The following SULT1C4 variants were observed in gnomAD, a reference collection of about 807,000 sequenced individuals.
SULT1C4 encodes sulfotransferase 1C4.
In SULT1C4, 32 loss-of-function variants were observed where a neutral mutation model predicts 34.8. The observed-to-expected ratio is 0.92, with a 90% CI of 0.69 to 1.23. The LOEUF (loss-of-function observed/expected upper bound fraction) is 1.23. Ranked by LOEUF, SULT1C4 falls within the 50% of genes most tolerant of loss-of-function variation. The pLI, the probability that SULT1C4 is intolerant of heterozygous loss-of-function variation, is 0.00. For synonymous variants in SULT1C4, 111 were observed against 120.5 expected (o/e 0.92, Z 0.51); for missense variants, 375 against 365.9 (o/e 1.02, Z -0.20).
chr2:108,381,581 G>A (rs965358098), intron 1 of SULT1C4, among the ~76,000 whole-genome samples, 181 bp from the exon 2 acceptor site: 3 of 149,876 alleles, frequency 2.0e-5, no homozygotes, highest in Middle Eastern at 3.4e-3. Context: ...GAACCCAGGA[G>A]GCAGTGAGCC....
At position 108,387,373 on chromosome 2, in the gene SULT1C4, G is replaced by C; in HGVS notation, c.850G>C (p.Asp284His). The C allele has an allele frequency of 6.2e-7, 1 of 1,613,812 alleles. No individual in the cohort carries two copies. The highest frequency in any genetic ancestry group is 8.5e-7 in the Non-Finnish European group (1 of 1,179,894). The change falls in exon 7 of 7, where the codon GAT becomes CAT. Residue 284 changes from aspartate (D) to histidine (H), a missense_variant. Coordinates refer to ENST00000272452, the MANE Select transcript of SULT1C4 (RefSeq NM_006588.4). Reference protein sequence around the residue: ...HFTVAQNERFDEDYKKKMTDT... With the variant: ...HFTVAQNERFHEDYKKKMTDT... ...CACCGTGGCTCAGAATGAGAGATTTGATGAAGATTACAAGAAGAAAATGAC... is the reference window on the plus strand; with the variant it reads ...CACCGTGGCTCAGAATGAGAGATTTCATGAAGATTACAAGAAGAAAATGAC...
At position 108,378,503 on chromosome 2, in the gene SULT1C4, G is replaced by A. The variant is rs1165218515; in HGVS notation, c.166G>A (p.Ala56Thr). ...CCTGCTTATTTCTACCTATCCTAAA[G>A]CAGGTAGGTGGAAGGGCTTGCAGGG... is the stretch of plus-strand genomic sequence containing the variant. Reference protein sequence around the residue: ...DDLLISTYPKAGTTWTQEIVE... With the variant: ...DDLLISTYPKTGTTWTQEIVE... Residue 56 changes from alanine (A) to threonine (T), a missense_variant, in exon 1 of 7, where the codon GCA becomes ACA. Coordinates refer to ENST00000272452, the MANE Select transcript of SULT1C4 (RefSeq NM_006588.4). 2 of 1,613,720 alleles carry A rather than the reference G, an allele frequency of 1.2e-6. No individual in the cohort carries two copies.
chr2:108,382,165 A>C, intron 2 of SULT1C4: 1 of 573,492 alleles, frequency 1.7e-6, no homozygotes, highest in Non-Finnish European at 3.0e-6. Context: ...AAGGGTTTGA[A>C]TTTTTTAGGT....
In SULT1C4 at chr2:108,387,261, T is replaced by C. The variant is rs11569690; in HGVS notation, c.797-59T>C. The C allele has an allele frequency of 2.9e-5, 37 of 1,274,990 alleles. No homozygotes were observed. In the East Asian group the frequency reaches 6.8e-4, roughly 23 times the overall value. 79.0% of individuals were successfully genotyped at this position (1,274,990 alleles called of 1,614,324 possible). On this transcript the variant is annotated intron_variant, in intron 6 of 6. Transcript: ENST00000272452. ...AAATCATCATACAGAAACAGGAGAA[T>C]AGGGAAGCACAGACTCTTCCAACAG...
chr2:108,388,851 A>G lies in SULT1C4; in HGVS notation c.*1419A>G, dbSNP rs1002279879. 6.6e-6 allele frequency among the ~76,000 whole-genome samples: 1 copy of G among 152,140 alleles called. No homozygotes were observed. Among genetic ancestry groups the G allele is most frequent in the African/African-American group, 2.4e-5 (1 of 41,422 alleles). ...CTTCCTTTCTTTCTACCTACCCAAG[A>G]CATACCACGTGCTTCAATAACCAGT... On this transcript the variant is annotated 3_prime_UTR_variant, in exon 7 of 7. Coordinates refer to ENST00000272452, the MANE Select transcript of SULT1C4 (RefSeq NM_006588.4).
intron 4 of SULT1C4, 26 bp downstream of exon 4, chr2:108,383,245 T>C (rs1271112025): frequency 1.2e-6 from 2 of 1,606,282 alleles, no homozygotes; most frequent in East Asian, 4.5e-5. Flanking sequence ...TTTGTTTCCC[T>C]TCGTTTCTCA....
At position 108,378,507 on chromosome 2, in the gene SULT1C4, G is replaced by C; in HGVS notation, c.169+1G>C. On this transcript the variant is annotated splice_donor_variant, in intron 1 of 6. Transcript: ENST00000272452. LOFTEE classifies it high-confidence loss of function. ...CTTATTTCTACCTATCCTAAAGCAG[G>C]TAGGTGGAAGGGCTTGCAGGGGAAG... The C allele has an allele frequency of 6.2e-7, 1 of 1,613,760 alleles. No homozygotes were observed. Among genetic ancestry groups the C allele is most frequent in the South Asian group, 1.1e-5 (1 of 91,026 alleles).
chr2:108,382,925 A>G, intron 3 of SULT1C4, 168 bp from the exon 4 acceptor site: 1 of 413,838 alleles, frequency 2.4e-6, no homozygotes, highest in Non-Finnish European at 3.7e-6. Flanking sequence ...AAAAAAAAAA[A>G]AAAAAAGTCT....
rs185799497 is a variant in SULT1C4 at position 108,383,439 on chromosome 2, C to T, written c.544C>T (p.His182Tyr). Residue 182 changes from histidine (H) to tyrosine (Y), a missense_variant, in exon 5 of 7, where the codon CAT becomes TAT. Physicochemically the swap from His to Tyr is moderately conservative, Grantham distance 83. Transcript: ENST00000272452. ...GKVCWGSWHE[H>Y]VKGWWEAKDK... ...AGTGTGCTGGGGCTCCTGGCATGAA[C>T]ATGTGAAAGGATGGTGGGAAGCCAA... 67 of 1,614,182 alleles carry T rather than the reference C, an allele frequency of 4.2e-5. No individual in the cohort carries two copies. The East Asian group carries it at 1.4e-3, about 34-fold the overall frequency.
rs889217360 is a variant in SULT1C4 at position 108,378,072 on chromosome 2, C to T, written c.-266C>T. 2.8e-5 allele frequency: 7 copies of T among 251,788 alleles called. No individual in the cohort carries two copies. Among genetic ancestry groups the T allele is most frequent in the South Asian group, 1.3e-4 (1 of 7,992 alleles). 15.6% of individuals were successfully genotyped at this position (251,788 alleles called of 1,614,324 possible). A position where few individuals can be genotyped will look rare whatever the true frequency, so the allele number is the denominator to read the frequency against. On this transcript the variant is annotated 5_prime_UTR_variant, in exon 1 of 7. In the 5' UTR this introduces an upstream ATG that the reference lacks. Coordinates refer to ENST00000272452, the MANE Select transcript of SULT1C4 (RefSeq NM_006588.4). Reference sequence around the variant, plus strand: ...GGGTTTGTGGCCGCCTCTGCTGTGACGCCACAGCCTGGTGAGGAGGGGGCT... The same window carrying T: ...GGGTTTGTGGCCGCCTCTGCTGTGATGCCACAGCCTGGTGAGGAGGGGGCT...
rs1478390041 is a variant in SULT1C4 at position 108,378,063 on chromosome 2, C to G, written c.-275C>G. The G allele has an allele frequency of 1.7e-5, 4 of 237,684 alleles. 1 individual carries two copies. Among genetic ancestry groups the G allele is most frequent in the Non-Finnish European group, 3.2e-5 (4 of 125,794 alleles). 14.7% of individuals were successfully genotyped at this position (237,684 alleles called of 1,614,324 possible). A position where few individuals can be genotyped will look rare whatever the true frequency, so the allele number is the denominator to read the frequency against. On this transcript the variant is annotated 5_prime_UTR_variant, in exon 1 of 7. Coordinates refer to ENST00000272452, the MANE Select transcript of SULT1C4 (RefSeq NM_006588.4). ...TGGCCAGCAGGGTTTGTGGCCGCCTCTGCTGTGACGCCACAGCCTGGTGAG... is the reference window on the plus strand; with the variant it reads ...TGGCCAGCAGGGTTTGTGGCCGCCTGTGCTGTGACGCCACAGCCTGGTGAG...
At chr2:108,384,050 G>T (rs1355237470) in intron 5 of SULT1C4, among the ~76,000 whole-genome samples, 2 of 151,116 alleles carry the variant, frequency 1.3e-5, no homozygotes, top group African/African-American at 4.9e-5. Flanking sequence ...TGTATTTTTA[G>T]TAGAAACCGG....
At chr2:108,384,248 G>C (rs1329175898) in intron 5 of SULT1C4, among the ~76,000 whole-genome samples, 1 of 150,032 alleles carries the variant, frequency 6.7e-6, no homozygotes, top group African/African-American at 2.5e-5. Context: ...TTTATTTTTT[G>C]AGACGGAGTC....
chr2:108,378,523 G>T lies in SULT1C4; in HGVS notation c.169+17G>T. 2 of 1,611,660 alleles carry T rather than the reference G, an allele frequency of 1.2e-6. No homozygotes were observed. Among genetic ancestry groups the T allele is most frequent in the Non-Finnish European group, 1.7e-6 (2 of 1,178,770 alleles). On this transcript the variant is annotated intron_variant, in intron 1 of 6. Coordinates refer to ENST00000272452, the MANE Select transcript of SULT1C4 (RefSeq NM_006588.4). Reference sequence around the variant, plus strand: ...CTAAAGCAGGTAGGTGGAAGGGCTTGCAGGGGAAGGGGAAGAGGAGAGTTA... The same window carrying T: ...CTAAAGCAGGTAGGTGGAAGGGCTTTCAGGGGAAGGGGAAGAGGAGAGTTA...
chr2:108,382,671 A>C lies in SULT1C4; in HGVS notation c.393+189A>C, dbSNP rs574335852. On this transcript the variant is annotated intron_variant, in intron 3 of 6. Coordinates refer to ENST00000272452, the MANE Select transcript of SULT1C4 (RefSeq NM_006588.4). ...GTAATCACAGCATTTTGGGAGACTG[A>C]GATGGGTGGATCAGTTGAGGTCAGG... The C allele has an allele frequency of 3.2e-4, 181 of 559,538 alleles. 2 individuals are homozygous for C. Among genetic ancestry groups the C allele is most frequent in the Non-Finnish European group, 5.3e-4 (168 of 315,888 alleles). 34.7% of individuals were successfully genotyped at this position (559,538 alleles called of 1,614,324 possible). A position where few individuals can be genotyped will look rare whatever the true frequency, so the allele number is the denominator to read the frequency against.
intron 6 of SULT1C4, among the ~76,000 whole-genome samples, chr2:108,386,796 T>C (rs1678578827): frequency 6.6e-6 from 1 of 152,224 alleles, no homozygotes; most frequent in Non-Finnish European, 1.5e-5. Context: ...AATTCATGCC[T>C]GCGTGGAAAT....
Position 108,382,368 on chromosome 2 carries a change from GA to G in SULT1C4, c.296-13del, listed in dbSNP as rs758705139. 6.2e-7 allele frequency: 1 copy of G among 1,603,800 alleles called. No homozygotes were observed. The highest frequency in any genetic ancestry group is 1.1e-5 in the South Asian group (1 of 88,202). ...AAAAAAAAAATCGTAGAAATTGATC[GA>G]AAACCAGTTTTGCAGGTTTGGAACA... On this transcript the variant is annotated splice_polypyrimidine_tract_variant and intron_variant, in intron 2 of 6. Transcript: ENST00000272452.
At chr2:108,383,011 G>T (rs1678454595) in intron 3 of SULT1C4, 82 bp from the exon 4 acceptor site, 1 of 1,427,628 alleles carries the variant, frequency 7.0e-7, no homozygotes, top group Non-Finnish European at 9.2e-7. Context: ...AACATGACTT[G>T]CCTGGGCAGT....
At chr2:108,382,536 C>T (rs1469840959) in intron 3 of SULT1C4, 54 bp downstream of exon 3, 2 of 1,338,446 alleles carry the variant, frequency 1.5e-6, no homozygotes, top group Non-Finnish European at 2.2e-6. Context: ...CCTTAGTCTT[C>T]CATTTCCTCT....
Sources: allele counts gnomAD v4.1 joint callset (sites outside exome capture counted in the v4.1 genomes callset), GRCh38; gene constraint gnomAD v4.1.1; transcripts MANE v1.5; gene names NCBI Gene and HGNC (gene_info 2026-07-23, HGNC 2026-07-21).